ACMSD: variants seen among roughly 807,000 people sequenced by gnomAD.
The protein encoded by ACMSD is 2-amino-3-carboxymuconate-6-semialdehyde decarboxylase.
ACMSD carries 37 observed loss-of-function variants against 45.9 expected under a neutral mutation model. That is an observed-to-expected ratio of 0.81 (90% CI 0.62 to 1.06). The LOEUF is 1.06. ACMSD is among the 50% of genes least tolerant of loss of function. ACMSD has a pLI of 0.00. For missense variants in ACMSD, 434 were observed against 420.9 expected (o/e 1.03, Z -0.27); for synonymous variants, 138 against 148.8 (o/e 0.93, Z 0.53).
At chr2:134,897,901 T>A (rs931028374) in intron 8 of ACMSD, among the ~76,000 whole-genome samples, 11 of 150,614 alleles carry the variant, frequency 7.3e-5, no homozygotes, top group Non-Finnish European at 1.3e-4. Flanking sequence ...TTTTTTTTAC[T>A]TTTTATCGAG....
chr2:134,839,690 TTGG>T (rs541295729), intron 1 of ACMSD, among the ~76,000 whole-genome samples: 6 of 152,336 alleles, frequency 3.9e-5, no homozygotes, highest in African/African-American at 1.4e-4. Flanking sequence ...TCTTTGTCCA[TTGG>T]TATCTTAGGT....
rs1455126866 is a variant in ACMSD at position 134,901,984 on chromosome 2, T to C, written c.*124T>C. The C allele has an allele frequency of 1.9e-6, 1 of 525,392 alleles. No individual in the cohort carries two copies. The highest frequency in any genetic ancestry group is 3.3e-6 in the Non-Finnish European group (1 of 307,536). 32.5% of individuals were successfully genotyped at this position (525,392 alleles called of 1,614,324 possible). A position where few individuals can be genotyped will look rare whatever the true frequency, so the allele number is the denominator to read the frequency against. On this transcript the variant is annotated 3_prime_UTR_variant, in exon 10 of 10. Transcript: ENST00000356140. ...TACTCAGAAATGAATGTCCCAAATATCCTAAATTATTCATAATAAAAATGA... is the reference window on the plus strand; with the variant it reads ...TACTCAGAAATGAATGTCCCAAATACCCTAAATTATTCATAATAAAAATGA...
chr2:134,874,909 C>T (rs1055658698), intron 8 of ACMSD, among the ~76,000 whole-genome samples: 1 of 152,064 alleles, frequency 6.6e-6, no homozygotes, highest in African/African-American at 2.4e-5. Flanking sequence ...AGTTAGTAAA[C>T]TAAGAAACAA....
At position 134,900,890 on chromosome 2, in the gene ACMSD, T is replaced by C. The variant is rs571168503; in HGVS notation, c.949-908T>C. 4.6e-5 allele frequency among the ~76,000 whole-genome samples: 7 copies of C among 152,346 alleles called. No homozygotes were observed. The East Asian group carries it at 1.4e-3, about 29-fold the overall frequency. On this transcript the variant is annotated intron_variant, in intron 9 of 9. Coordinates refer to ENST00000356140, the MANE Select transcript of ACMSD (RefSeq NM_138326.3). ...AGGATCAGATCTCCATCCAACACTC[T>C]GAAGGGTACCTCCCTCAAAGGATAC...
intron 8 of ACMSD, among the ~76,000 whole-genome samples, chr2:134,883,750 C>G (rs545052027): frequency 6.6e-6 from 1 of 152,308 alleles, no homozygotes; most frequent in South Asian, 2.1e-4. Flanking sequence ...CCCCCCACCT[C>G]AGCCTCCCAG....
Position 134,851,325 on chromosome 2 carries a change from C to G in ACMSD, c.102+6048C>G, listed in dbSNP as rs544277953. On this transcript the variant is annotated intron_variant, in intron 2 of 9. Transcript: ENST00000356140. ...ATTTATTTTCCTCTGGATATATACC[C>G]AGTAATAGGATCACTAGGTTGAATG... is the stretch of plus-strand genomic sequence containing the variant. Among the ~76,000 whole-genome samples the G allele has an allele frequency of 3.0e-3, 459 of 152,280 alleles. 1 individual carries two copies. Among genetic ancestry groups the G allele is most frequent in the African/African-American group, 9.7e-3 (405 of 41,542 alleles).
At chr2:134,859,442 G>A (rs1406251380) in intron 3 of ACMSD, 85 bp downstream of exon 3, 1 of 1,324,734 alleles carries the variant, frequency 7.5e-7, no homozygotes, top group Non-Finnish European at 1.1e-6. Context: ...TTATGTGATG[G>A]TAACTTCTGA....
At chr2:134,901,735 T>C (rs535952476) in intron 9 of ACMSD, 63 bp from the exon 10 acceptor site, 1 of 1,228,630 alleles carries the variant, frequency 8.1e-7, no homozygotes, top group Non-Finnish European at 1.2e-6. Flanking sequence ...CTGATCAATG[T>C]AGTACTTAAA....
chr2:134,885,286 T>A (rs183578614), intron 8 of ACMSD, among the ~76,000 whole-genome samples: 164 of 23,712 alleles, frequency 6.9e-3, no homozygotes, highest in East Asian at 0.024. Flanking sequence ...TATTATATAT[T>A]ATATTTATAT....
At position 134,901,911 on chromosome 2, in the gene ACMSD, CT is replaced by C; in HGVS notation, c.*52del. 1 of 1,435,114 alleles carries C rather than the reference CT, an allele frequency of 7.0e-7. No individual in the cohort carries two copies. The highest frequency in any genetic ancestry group is 1.3e-5 in the South Asian group (1 of 78,232). 88.9% of individuals were successfully genotyped at this position (1,435,114 alleles called of 1,614,324 possible). ...TCAAAAGGATATCTCATTTTTGTTT[CT>C]AAATATGTATCAACAGGTATCAACA... On this transcript the variant is annotated 3_prime_UTR_variant, in exon 10 of 10. Coordinates refer to ENST00000356140, the MANE Select transcript of ACMSD (RefSeq NM_138326.3).
In ACMSD at chr2:134,870,951, A is replaced by T. The variant is rs1312209302; in HGVS notation, c.581-14A>T. The T allele has an allele frequency of 1.2e-6, 2 of 1,609,928 alleles. No individual in the cohort carries two copies. The highest frequency in any genetic ancestry group is 2.7e-5 in the African/African-American group (2 of 74,746). Reference sequence around the variant, plus strand: ...GTGATCATCCCTGAACCTTGTGACTATTTCCTCTTTCAGGAATGCCAGCAG... The same window carrying T: ...GTGATCATCCCTGAACCTTGTGACTTTTTCCTCTTTCAGGAATGCCAGCAG... On this transcript the variant is annotated splice_polypyrimidine_tract_variant and intron_variant, in intron 6 of 9. Transcript: ENST00000356140.
chr2:134,863,094 C>A (rs1687923503), intron 4 of ACMSD: 16 of 956,476 alleles, frequency 1.7e-5, no homozygotes, highest in Non-Finnish European at 2.0e-5. Flanking sequence ...TGGCAGTGGC[C>A]CATGCTCATT....
chr2:134,884,392 T>C (rs1339631987), intron 8 of ACMSD, among the ~76,000 whole-genome samples: 1 of 152,158 alleles, frequency 6.6e-6, no homozygotes, highest in Admixed American at 6.5e-5. Flanking sequence ...TTAAAATATA[T>C]TTATATCCAA....
intron 5 of ACMSD, among the ~76,000 whole-genome samples, chr2:134,866,969 T>C (rs887925654): frequency 6.6e-6 from 1 of 152,176 alleles, no homozygotes; most frequent in Non-Finnish European, 1.5e-5. Context: ...GATGGGTGAA[T>C]GCCTGTAGAC....
At chr2:134,881,093 G>A (rs758243334) in intron 8 of ACMSD, among the ~76,000 whole-genome samples, 2 of 152,144 alleles carry the variant, frequency 1.3e-5, no homozygotes, top group Non-Finnish European at 2.9e-5. Context: ...TCTGCCTCCC[G>A]ATTCAAGCAA....
chr2:134,861,604 A>G (rs1687851897), intron 3 of ACMSD, among the ~76,000 whole-genome samples: 1 of 152,086 alleles, frequency 6.6e-6, no homozygotes, highest in African/African-American at 2.4e-5. Flanking sequence ...ATCACTTAGG[A>G]GCTGAATTAA....
At chr2:134,840,166 G>GAAAAAAAAAAAAAAAAAAAAAAAAAA (rs1559034706) in intron 1 of ACMSD, among the ~76,000 whole-genome samples, 1 of 12,046 alleles carries the variant, frequency 8.3e-5, no homozygotes, top group African/African-American at 3.7e-4. Context: ...ACTATACCTA[G>GAAAAAAAAAAAAAAAAAAAAAAAAAA]CAAAAAAAAA....
chr2:134,863,785 A>T (rs1033512634), intron 5 of ACMSD, among the ~76,000 whole-genome samples, 154 bp downstream of exon 5: 2 of 152,116 alleles, frequency 1.3e-5, no homozygotes, highest in African/African-American at 2.4e-5. Context: ...GTGTGGAAAT[A>T]GCCCCCGCAA....
At chr2:134,885,357 T>TGTAAATATATATA (rs1689326972) in intron 8 of ACMSD, among the ~76,000 whole-genome samples, 1 of 106,950 alleles carries the variant, frequency 9.4e-6, no homozygotes, top group Admixed American at 1.5e-4. Context: ...ATAATATATA[T>TGTAAATATATATA]TTACATATAT....
Sources: gnomAD v4.1 joint callset for allele counts (sites outside exome capture counted in the v4.1 genomes callset) on GRCh38, gnomAD v4.1.1 for gene constraint, MANE v1.5 for transcripts, NCBI Gene and HGNC (gene_info 2026-07-23, HGNC 2026-07-21) for gene names.